Variants in CHKA observed in about 807,000 individuals in gnomAD.
The protein encoded by CHKA is CHETK-alpha.
A neutral mutation model predicts 60.1 loss-of-function variants in CHKA; 34 were observed. The ratio of observed to expected loss-of-function variants is 0.57; its 90% confidence interval spans 0.43 to 0.75. The LOEUF (loss-of-function observed/expected upper bound fraction) is 0.75, where lower values mean the gene tolerates loss of function less well. Ranked by LOEUF, CHKA falls within the 30% of genes least tolerant of loss-of-function variation. The pLI is 0.00. For synonymous variants in CHKA, 217 were observed against 223.1 expected, an observed-to-expected ratio of 0.97 and a Z score of 0.24; for missense variants, 563 against 561.3, an observed-to-expected ratio of 1.00 and a Z score of -0.03.
At chr11:68,069,093 C>T (rs141413334) in intron 6 of CHKA, among the ~76,000 whole-genome samples, 156 bp from the exon 7 acceptor site, 9 of 152,274 alleles carry the variant, frequency 5.9e-5, no homozygotes, top group East Asian at 3.9e-4. Context: ...TGCGTCATTA[C>T]GTGGCAACAA....
intron 1 of CHKA, among the ~76,000 whole-genome samples, chr11:68,116,747 C>T (rs939327795): frequency 1.3e-5 from 2 of 151,894 alleles, no homozygotes; most frequent in East Asian, 1.9e-4. Flanking sequence ...AAAGAAAATG[C>T]TAATAACATA....
intron 7 of CHKA, among the ~76,000 whole-genome samples, chr11:68,068,256 G>C (rs1334128504): frequency 6.6e-6 from 1 of 152,058 alleles, no homozygotes; most frequent in Non-Finnish European, 1.5e-5. Flanking sequence ...CAATGGGGTA[G>C]GCAGTGGATC....
intron 3 of CHKA, 37 bp from the exon 4 acceptor site, chr11:68,074,867 T>A: frequency 6.2e-7 from 1 of 1,601,814 alleles, no homozygotes; most frequent in Non-Finnish European, 8.5e-7. Context: ...GTTTACTGAG[T>A]GTTTGCTAAG....
chr11:68,059,456 G>T (rs2134492593), intron 11 of CHKA, among the ~76,000 whole-genome samples: 1 of 152,148 alleles, frequency 6.6e-6, no homozygotes, highest in South Asian at 2.1e-4. Context: ...TATGTTAGTG[G>T]ATTTAATTTT....
At chr11:68,115,494 G>A (rs1463007919) in intron 1 of CHKA, among the ~76,000 whole-genome samples, 2 of 152,276 alleles carry the variant, frequency 1.3e-5, no homozygotes, top group Admixed American at 6.5e-5. Context: ...GTGCAGGCAG[G>A]GGGTTATATG....
At chr11:68,104,428 TA>T (rs1857841259) in intron 1 of CHKA, among the ~76,000 whole-genome samples, 2 of 152,212 alleles carry the variant, frequency 1.3e-5, no homozygotes, top group African/African-American at 4.8e-5. Flanking sequence ...TTATTATTAT[TA>T]TTATTTTTTG....
At chr11:68,058,608 G>T (rs988363365) in intron 11 of CHKA, among the ~76,000 whole-genome samples, 1 of 152,090 alleles carries the variant, frequency 6.6e-6, no homozygotes, top group Non-Finnish European at 1.5e-5. Context: ...CTTGTATCTT[G>T]TGACTTTGAT....
At chr11:68,070,599 G>T (rs1483332752) in intron 5 of CHKA, 125 bp downstream of exon 5, 2 of 1,002,382 alleles carry the variant, frequency 2.0e-6, no homozygotes, top group African/African-American at 3.2e-5. Context: ...ATCACCAGCT[G>T]ACACCCTGCA....
chr11:68,054,534 G>C (rs938365194), intron 11 of CHKA, among the ~76,000 whole-genome samples: 8 of 152,192 alleles, frequency 5.3e-5, no homozygotes, highest in Non-Finnish European at 1.0e-4. Context: ...AGGCAAGGGA[G>C]AAAACCCGGC....
At chr11:68,081,566 AAG>A (rs1856989275) in intron 2 of CHKA, 109 bp from the exon 3 acceptor site, 1 of 858,566 alleles carries the variant, frequency 1.2e-6, no homozygotes, top group Non-Finnish European at 1.9e-6. Context: ...ACAGGTCTTT[AAG>A]GAAGGTTTCT....
chr11:68,089,651 T>C (rs960956273), intron 2 of CHKA, among the ~76,000 whole-genome samples: 2 of 152,230 alleles, frequency 1.3e-5, no homozygotes, highest in African/African-American at 4.8e-5. Flanking sequence ...TTACACAACA[T>C]TCTGAAATCT....
intron 1 of CHKA, among the ~76,000 whole-genome samples, chr11:68,100,472 C>G (rs946260576): frequency 2.0e-5 from 3 of 151,972 alleles, no homozygotes; most frequent in Non-Finnish European, 2.9e-5. Context: ...TGCCTGTAAT[C>G]CCAGCTACTC....
chr11:68,076,327 A>G (rs1017794927), intron 3 of CHKA, among the ~76,000 whole-genome samples: 3 of 152,216 alleles, frequency 2.0e-5, no homozygotes, highest in Admixed American at 6.5e-5. Flanking sequence ...ACCTTAGAGA[A>G]TGAAAACAAA....
At chr11:68,113,267 A>G (rs1011758373) in intron 1 of CHKA, among the ~76,000 whole-genome samples, 26 of 152,108 alleles carry the variant, frequency 1.7e-4, no homozygotes, top group African/African-American at 6.3e-4. Flanking sequence ...GCAATGTAGC[A>G]AGACCCAGTT....
At chr11:68,076,166 T>C (rs1347612331) in intron 3 of CHKA, among the ~76,000 whole-genome samples, 2 of 152,252 alleles carry the variant, frequency 1.3e-5, no homozygotes, top group East Asian at 3.8e-4. Context: ...ATCATTCGTA[T>C]AATCCTCACA....
intron 2 of CHKA, among the ~76,000 whole-genome samples, chr11:68,089,422 A>C (rs1471943185): frequency 6.6e-6 from 1 of 152,172 alleles, no homozygotes; most frequent in Non-Finnish European, 1.5e-5. Flanking sequence ...AAGGACAAAG[A>C]AGAAGGTTTG....
At chr11:68,104,617 T>TGCAC (rs976620850) in intron 1 of CHKA, among the ~76,000 whole-genome samples, 1 of 151,886 alleles carries the variant, frequency 6.6e-6, no homozygotes, top group African/African-American at 2.4e-5. Context: ...CAGATAGGGT[T>TGCAC]GCACCATGTT....
intron 4 of CHKA, 87 bp from the exon 5 acceptor site, chr11:68,070,944 T>C (rs1487953709): frequency 7.4e-7 from 1 of 1,354,372 alleles, no homozygotes; most frequent in Non-Finnish European, 1.0e-6. Context: ...CGAGAAGTGT[T>C]TTTGTAGTGC....
At chr11:68,067,948 T>C (rs114898442) in intron 7 of CHKA, among the ~76,000 whole-genome samples, 2,351 of 152,240 alleles carry the variant, frequency 0.015, 58 homozygotes, top group African/African-American at 0.05. Context: ...GGGCTCAAGG[T>C]GGGACCTGAA....
Sources: gnomAD v4.1 joint callset for allele counts (sites outside exome capture counted in the v4.1 genomes callset) on GRCh38, gnomAD v4.1.1 for gene constraint, MANE v1.5 for transcripts, NCBI Gene and HGNC (gene_info 2026-07-23, HGNC 2026-07-21) for gene names.